The following PLD5 variants were observed in gnomAD, a reference collection of about 807,000 sequenced individuals.
PLD5 encodes the protein inactive phospholipase D5.
In PLD5, 36 loss-of-function variants were observed where a neutral mutation model predicts 61.1. That is an observed-to-expected ratio of 0.59 (90% CI 0.45 to 0.78). The LOEUF (loss-of-function observed/expected upper bound fraction) is 0.78, where lower values mean the gene tolerates loss of function less well. Among genes scored for constraint, PLD5 ranks in the 30% least tolerant of loss-of-function variants. PLD5 has a pLI of 0.00. For missense variants in PLD5, 515 were observed against 644.4 expected (o/e 0.80, Z 2.17); for synonymous variants, 243 against 242.8 (o/e 1.00, Z -0.01).
At chr1:242,270,293 T>C (rs1470777210) in intron 3 of PLD5, among the ~76,000 whole-genome samples, 1 of 150,986 alleles carries the variant, frequency 6.6e-6, no homozygotes, top group African/African-American at 2.4e-5. Flanking sequence ...ACCTTCAGGA[T>C]ACTGAGATTT....
chr1:242,498,433 T>C (rs1268640761), intron 1 of PLD5, among the ~76,000 whole-genome samples: 2 of 152,246 alleles, frequency 1.3e-5, no homozygotes, highest in African/African-American at 2.4e-5. Context: ...TGAGATGTAG[T>C]CCTCTATTAT....
chr1:242,207,878 T>TTTTA (rs1558344299), intron 5 of PLD5, among the ~76,000 whole-genome samples: 2,547 of 17,034 alleles, frequency 0.15, 666 homozygotes, highest in East Asian at 0.27. Flanking sequence ...TTATATATAT[T>TTTTA]TATATATTTA....
intron 6 of PLD5, among the ~76,000 whole-genome samples, chr1:242,114,624 G>C (rs1661799767): frequency 6.6e-6 from 1 of 152,204 alleles, no homozygotes; most frequent in South Asian, 2.1e-4. Flanking sequence ...GTCACCGCCT[G>C]AGCTCCGCCT....
At chr1:242,507,947 TAA>T (rs1668778921) in intron 1 of PLD5, among the ~76,000 whole-genome samples, 2 of 152,122 alleles carry the variant, frequency 1.3e-5, no homozygotes, top group South Asian at 2.1e-4. Flanking sequence ...CGGATGATAT[TAA>T]GTTTGCCTTT....
At position 242,411,116 on chromosome 1, in the gene PLD5, G is replaced by A. The variant is rs79622113; in HGVS notation, c.190-62874C>T. ...TAACAGAAAGAATCATAAAATTATAGGTTCTTCAAGTAGAAGGACCCCTTG... is the reference window on the plus strand; with the variant it reads ...TAACAGAAAGAATCATAAAATTATAAGTTCTTCAAGTAGAAGGACCCCTTG... On this transcript the variant is annotated intron_variant, in intron 1 of 9. Transcript: ENST00000536534. Among the ~76,000 whole-genome samples, 287 of 152,258 alleles carry A rather than the reference G, an allele frequency of 1.9e-3. 1 individual carries two copies. The highest frequency in any genetic ancestry group is 1.2e-3 in the African/African-American group (49 of 41,552).
At chr1:242,109,114 C>T (rs1661284577) in intron 7 of PLD5, among the ~76,000 whole-genome samples, 3 of 152,224 alleles carry the variant, frequency 2.0e-5, no homozygotes, top group Admixed American at 2.0e-4. Context: ...TTCTCTGCCT[C>T]CAGTCATGTA....
At chr1:242,444,244 T>C (rs1408012677) in intron 1 of PLD5, among the ~76,000 whole-genome samples, 1 of 152,132 alleles carries the variant, frequency 6.6e-6, no homozygotes, top group Non-Finnish European at 1.5e-5. Context: ...ACATTCAATT[T>C]CCCAAAAACT....
At chr1:242,099,253 G>T (rs1444979158) in intron 9 of PLD5, among the ~76,000 whole-genome samples, 1 of 151,980 alleles carries the variant, frequency 6.6e-6, no homozygotes, top group Admixed American at 6.6e-5. Context: ...CTCCCATGTA[G>T]CTGGGATTAC....
At chr1:242,519,166 C>T (rs993442115) in intron 1 of PLD5, among the ~76,000 whole-genome samples, 10 of 152,160 alleles carry the variant, frequency 6.6e-5, no homozygotes, top group African/African-American at 2.4e-4. Context: ...TGTCTTCTGG[C>T]GCTTAACGGA....
intron 2 of PLD5, among the ~76,000 whole-genome samples, chr1:242,321,130 A>G (rs1473285977): frequency 1.3e-5 from 2 of 152,178 alleles, no homozygotes; most frequent in Non-Finnish European, 2.9e-5. Context: ...AAACAGAAGT[A>G]ACTCTGCAAA....
chr1:242,203,089 C>T (rs74150844), intron 5 of PLD5, among the ~76,000 whole-genome samples: 1,637 of 152,324 alleles, frequency 0.011, 30 homozygotes, highest in African/African-American at 0.037. Flanking sequence ...CTTACAGCAA[C>T]TGGTCCCAAA....
At chr1:242,243,295 G>C (rs1460489842) in intron 4 of PLD5, among the ~76,000 whole-genome samples, 2 of 152,232 alleles carry the variant, frequency 1.3e-5, no homozygotes, top group Non-Finnish European at 2.9e-5. Flanking sequence ...GAGATCTAGA[G>C]TGTGTACAAC....
chr1:242,513,464 G>C (rs1329528549), intron 1 of PLD5, among the ~76,000 whole-genome samples: 2 of 152,160 alleles, frequency 1.3e-5, no homozygotes, highest in Non-Finnish European at 2.9e-5. Flanking sequence ...GTATTGTTAA[G>C]GGTTATAATA....
At chr1:242,196,117 C>T (rs1374029340) in intron 5 of PLD5, among the ~76,000 whole-genome samples, 1 of 152,012 alleles carries the variant, frequency 6.6e-6, no homozygotes, top group Admixed American at 6.6e-5. Context: ...TGGTAAAAGG[C>T]AAAAATGTTA....
In PLD5 at chr1:242,519,815, G is replaced by A. The variant is rs537500476; in HGVS notation, c.189+4273C>T. ...AGGCCCAAGACAGTGAGCCAGCCTT[G>A]CCGACCAAAGGACCACTCACTTAGC... On this transcript the variant is annotated intron_variant, in intron 1 of 9. Coordinates refer to ENST00000536534, the MANE Select transcript of PLD5 (RefSeq NM_001372062.1). 5.3e-5 allele frequency among the ~76,000 whole-genome samples: 8 copies of A among 152,294 alleles called. No individual in the cohort carries two copies. The South Asian group carries it at 1.7e-3, about 32-fold the overall frequency.
At chr1:242,149,904 T>C (rs1664810896) in intron 5 of PLD5, among the ~76,000 whole-genome samples, 1 of 151,758 alleles carries the variant, frequency 6.6e-6, no homozygotes, top group African/African-American at 2.4e-5. Flanking sequence ...TTGTCAACAG[T>C]GTTAATTTGT....
intron 5 of PLD5, among the ~76,000 whole-genome samples, chr1:242,212,166 T>C (rs942171285): frequency 7.2e-5 from 11 of 152,070 alleles, no homozygotes; most frequent in African/African-American, 2.7e-4. Context: ...TCAGCCCCGA[T>C]ATCACCAGGC....
At chr1:242,183,754 C>T (rs886235249) in intron 5 of PLD5, among the ~76,000 whole-genome samples, 3 of 149,960 alleles carry the variant, frequency 2.0e-5, no homozygotes, top group Non-Finnish European at 4.4e-5. Flanking sequence ...ATTAGGCAGG[C>T]GTGGTGGCGG....
chr1:242,395,914 G>T (rs1663544754), intron 1 of PLD5, among the ~76,000 whole-genome samples: 1 of 152,156 alleles, frequency 6.6e-6, no homozygotes, highest in Non-Finnish European at 1.5e-5. Context: ...CAAGCATGAT[G>T]GCAGGTGCCT....
Sources: allele counts gnomAD v4.1 joint callset (sites outside exome capture counted in the v4.1 genomes callset), GRCh38; gene constraint gnomAD v4.1.1; transcripts MANE v1.5; gene names NCBI Gene and HGNC (gene_info 2026-07-23, HGNC 2026-07-21).